COX16: variants seen among roughly 807,000 people sequenced by gnomAD.
COX16 encodes the protein cytochrome c oxidase assembly factor COX16, also known as cytochrome c oxidase assembly protein COX16 homolog, mitochondrial.
COX16 carries 12 observed loss-of-function variants against 15.4 expected under a neutral mutation model. That is an observed-to-expected ratio of 0.78 (90% CI 0.50 to 1.26). The LOEUF (loss-of-function observed/expected upper bound fraction) is 1.26, where lower values mean the gene tolerates loss of function less well. Among genes scored for constraint, COX16 ranks in the 50% most tolerant of loss-of-function variants. The pLI is 0.00. For missense variants in COX16, 124 were observed against 127.6 expected (o/e 0.97, Z 0.14); for synonymous variants, 46 against 41.1 (o/e 1.12, Z -0.46).
At position 70,359,323 on chromosome 14, in the gene COX16, G is replaced by A. The variant is rs1313374861; in HGVS notation, c.69+196C>T. 2.1e-5 allele frequency: 14 copies of A among 659,610 alleles called. No individual in the cohort carries two copies. In the East Asian group the frequency reaches 4.1e-4, roughly 19 times the overall value. The allele number at this position is 659,610 out of a possible 1,614,324, so 40.9% of individuals were successfully genotyped here. ...CACCTGAAATCCAACCGGGAGTGGG[G>A]GACAGCGGCGGGGAAGTGGGGGTGT... On this transcript the variant is annotated intron_variant, in intron 1 of 3. Coordinates refer to ENST00000389912, the MANE Select transcript of COX16 (RefSeq NM_016468.7).
At chr14:70,358,795 C>T (rs1172620998) in intron 1 of COX16, among the ~76,000 whole-genome samples, 1 of 152,202 alleles carries the variant, frequency 6.6e-6, no homozygotes, top group Non-Finnish European at 1.5e-5. Context: ...AAATAAGAGT[C>T]ATCTGGATTT....
chr14:70,344,677 A>T (rs1449937253), intron 1 of COX16, among the ~76,000 whole-genome samples: 1 of 152,166 alleles, frequency 6.6e-6, no homozygotes, highest in African/African-American at 2.4e-5. Flanking sequence ...GGGACCTGAA[A>T]GCTTAAGGAG....
intron 2 of COX16, among the ~76,000 whole-genome samples, chr14:70,338,310 A>G (rs180952021): frequency 5.6e-4 from 86 of 152,278 alleles, no homozygotes; most frequent in African/African-American, 2.0e-3. Context: ...ATGAGGCTTC[A>G]CCATATTGCC....
At chr14:70,326,946 A>C (rs557778027) in intron 3 of COX16, among the ~76,000 whole-genome samples, 1 of 152,236 alleles carries the variant, frequency 6.6e-6, no homozygotes, top group East Asian at 1.9e-4. Flanking sequence ...TATCATAAGC[A>C]AAACACTTTT....
intron 3 of COX16, chr14:70,328,072 A>ATTGTTTTTTTTTTTTTTT (rs1886142861): frequency 1.2e-5 from 1 of 80,840 alleles, no homozygotes; most frequent in African/African-American, 5.0e-5. Context: ...TGAGAATAAG[A>ATTGTTTTTTTTTTTTTTT]TTTTTTTTTT....
chr14:70,329,284 G>A (rs762763476), intron 2 of COX16, 48 bp from the exon 3 acceptor site: 11 of 1,521,672 alleles, frequency 7.2e-6, no homozygotes, highest in South Asian at 1.2e-5. Context: ...CTGTTTGTTA[G>A]ACTCAATTTT....
intron 2 of COX16, among the ~76,000 whole-genome samples, chr14:70,341,164 A>G (rs1886612580): frequency 6.6e-6 from 1 of 152,232 alleles, no homozygotes; most frequent in Non-Finnish European, 1.5e-5. Context: ...TTGATAAAAT[A>G]ATTGGGATGC....
At chr14:70,355,847 C>T (rs758038506) in intron 1 of COX16, among the ~76,000 whole-genome samples, 1 of 152,138 alleles carries the variant, frequency 6.6e-6, no homozygotes, top group Non-Finnish European at 1.5e-5. Context: ...AGATCCCTCA[C>T]GAAAGGCTTG....
intron 3 of COX16, among the ~76,000 whole-genome samples, chr14:70,326,854 GTCT>G (rs1254829966): frequency 6.6e-6 from 1 of 152,022 alleles, no homozygotes; most frequent in Non-Finnish European, 1.5e-5. Context: ...AGACCCTAAA[GTCT>G]TCTACAAAAA....
chr14:70,347,542 T>G (rs999363796), intron 1 of COX16, among the ~76,000 whole-genome samples: 6 of 152,164 alleles, frequency 3.9e-5, no homozygotes, highest in Non-Finnish European at 1.5e-5. Flanking sequence ...GGACAGGCCC[T>G]TGCTCATGAC....
chr14:70,345,149 G>C (rs1594920269), intron 1 of COX16, among the ~76,000 whole-genome samples: 1 of 152,356 alleles, frequency 6.6e-6, no homozygotes, highest in East Asian at 1.9e-4. Flanking sequence ...TCGATCTCCA[G>C]TTGCCTCTCT....
chr14:70,336,998 G>A (rs972703870), intron 2 of COX16, among the ~76,000 whole-genome samples: 1 of 152,152 alleles, frequency 6.6e-6, no homozygotes, highest in Non-Finnish European at 1.5e-5. Flanking sequence ...AGAGTTGAAA[G>A]CCCATTTTTT....
At chr14:70,335,052 CTATACT>C (rs1886407347) in intron 2 of COX16, among the ~76,000 whole-genome samples, 1 of 151,940 alleles carries the variant, frequency 6.6e-6, no homozygotes, top group Non-Finnish European at 1.5e-5. Flanking sequence ...ACAGAAGTAG[CTATACT>C]TATATCAGAT....
chr14:70,328,072 ATTTTTTTTTTTTTT>A (rs77655575), intron 3 of COX16: 1 of 80,840 alleles, frequency 1.2e-5, no homozygotes, highest in South Asian at 6.9e-4. Context: ...TGAGAATAAG[ATTTTTTTTTTTTTT>A]TTTTTTTTTT....
chr14:70,357,469 T>A (rs1051665232), intron 1 of COX16, among the ~76,000 whole-genome samples: 4 of 152,194 alleles, frequency 2.6e-5, no homozygotes, highest in Non-Finnish European at 5.9e-5. Flanking sequence ...GTTGAAAGCA[T>A]GCCCAAAAAA....
At chr14:70,336,037 A>G (rs1886442567) in intron 2 of COX16, among the ~76,000 whole-genome samples, 2 of 152,194 alleles carry the variant, frequency 1.3e-5, no homozygotes, top group Admixed American at 6.5e-5. Context: ...CAGGTGGATC[A>G]TGAGGTCAGG....
chr14:70,333,239 C>G (rs543994059), intron 2 of COX16, among the ~76,000 whole-genome samples: 2 of 152,216 alleles, frequency 1.3e-5, no homozygotes, highest in East Asian at 1.9e-4. Flanking sequence ...AAATAAGGCA[C>G]TGGAAACCAA....
intron 1 of COX16, among the ~76,000 whole-genome samples, chr14:70,358,654 C>T (rs531854685): frequency 6.6e-6 from 1 of 152,142 alleles, no homozygotes; most frequent in African/African-American, 2.4e-5. Flanking sequence ...ATTTCATCTG[C>T]GCCAACATTC....
intron 1 of COX16, chr14:70,359,278 CA>C (rs915254515): frequency 3.3e-6 from 2 of 614,626 alleles, no homozygotes; most frequent in Non-Finnish European, 6.1e-6. Flanking sequence ...GCCACGCTCA[CA>C]AGCAGACAGA....
Sources: gnomAD v4.1 joint callset for allele counts (sites outside exome capture counted in the v4.1 genomes callset) on GRCh38, gnomAD v4.1.1 for gene constraint, MANE v1.5 for transcripts, NCBI Gene and HGNC (gene_info 2026-07-23, HGNC 2026-07-21) for gene names.